The following DCX variants were observed in gnomAD, a reference collection of about 807,000 sequenced individuals.
DCX encodes neuronal migration protein doublecortin.
A neutral mutation model predicts 20.9 loss-of-function variants in DCX; 4 were observed. The observed-to-expected ratio is 0.19, with a 90% CI of 0.09 to 0.44. DCX has a LOEUF of 0.44. DCX is among the 20% of genes least tolerant of loss of function. The pLI, the probability that DCX is intolerant of heterozygous loss-of-function variation, is 0.99. For synonymous variants in DCX, 103 were observed against 111.4 expected, an observed-to-expected ratio of 0.92 and a Z score of 0.47; for missense variants, 133 against 296.9, an observed-to-expected ratio of 0.45 and a Z score of 4.06.
chrX:111,347,148 A>C (rs1001730453), intron 3 of DCX, among the ~76,000 whole-genome samples: 1 of 112,009 alleles, frequency 8.9e-6, no homozygotes, highest in Non-Finnish European at 1.9e-5. Flanking sequence ...AGTAAGAAGA[A>C]TCTAAAACCC....
At chrX:111,402,555 A>G (rs1927876196) in intron 2 of DCX, among the ~76,000 whole-genome samples, 1 of 111,879 alleles carries the variant, frequency 8.9e-6, no homozygotes, top group African/African-American at 3.3e-5. Flanking sequence ...AAACACAATT[A>G]TAGTCTGATG....
intron 3 of DCX, among the ~76,000 whole-genome samples, chrX:111,357,093 G>C (rs929233510): frequency 4.5e-5 from 5 of 111,917 alleles, no homozygotes; most frequent in Admixed American, 3.8e-4. Context: ...AACTGTATAT[G>C]GTAGAGAAAA....
intron 5 of DCX, among the ~76,000 whole-genome samples, chrX:111,312,955 T>C (rs2095060979): frequency 8.9e-6 from 1 of 111,832 alleles, no homozygotes; most frequent in Admixed American, 9.5e-5. Context: ...AAGGCCGTCA[T>C]CCTCCCACCC....
chrX:111,400,910 C>G, intron 3 of DCX, 80 bp downstream of exon 3: 1 of 924,721 alleles, frequency 1.1e-6, no homozygotes, highest in Non-Finnish European at 1.6e-6. Context: ...AGTCCGTCAA[C>G]AAGAAATGAT....
At chrX:111,400,268 C>A (rs1024313373) in intron 3 of DCX, among the ~76,000 whole-genome samples, 1 of 111,529 alleles carries the variant, frequency 9.0e-6, no homozygotes. Context: ...AGACGCCTGG[C>A]TGCATTCTTT....
At position 111,300,866 on chromosome X, in the gene DCX, A is replaced by G. The variant is rs1249840902; in HGVS notation, c.*821T>C. The G allele has an allele frequency of 8.9e-6, 1 of 112,301 alleles. No individual in the cohort carries two copies. The highest frequency in any genetic ancestry group is 3.2e-5 in the African/African-American group (1 of 30,822). The allele number at this position is 112,301 out of a possible 1,213,427, so 9.3% of individuals were successfully genotyped here. A position where few individuals can be genotyped will look rare whatever the true frequency, so the allele number is the denominator to read the frequency against. The stretch of plus-strand genomic sequence containing the variant: ...GAACAGAGATAGATGGATACCATAC[A>G]GTTCATGTAATCATGTGGTATGTTA... On this transcript the variant is annotated 3_prime_UTR_variant, in exon 7 of 7. Transcript: ENST00000636035.
At chrX:111,355,213 T>G (rs1356487444) in intron 3 of DCX, among the ~76,000 whole-genome samples, 1 of 111,969 alleles carries the variant, frequency 8.9e-6, no homozygotes, top group African/African-American at 3.2e-5. Context: ...AACCCCTGTT[T>G]GTCATTCTCT....
intron 5 of DCX, among the ~76,000 whole-genome samples, chrX:111,318,322 C>G (rs191710159): frequency 9.5e-6 from 1 of 105,600 alleles, no homozygotes; most frequent in African/African-American, 3.4e-5. Context: ...CTCAAAGAAC[C>G]TAAAACTGAA....
chrX:111,401,709 A>G (rs988398205), intron 2 of DCX, among the ~76,000 whole-genome samples: 3 of 112,160 alleles, frequency 2.7e-5, no homozygotes, highest in Non-Finnish European at 5.6e-5. Context: ...AATTTTTAAC[A>G]TTTCTATTTC....
intron 5 of DCX, among the ~76,000 whole-genome samples, chrX:111,326,324 G>A (rs2095099461): frequency 9.0e-6 from 1 of 111,613 alleles, no homozygotes; most frequent in Admixed American, 9.5e-5. Context: ...TTCCTTCCCA[G>A]CAACTAGCTA....
At chrX:111,311,901 C>T (rs2095058495) in intron 6 of DCX, among the ~76,000 whole-genome samples, 1 of 111,979 alleles carries the variant, frequency 8.9e-6, no homozygotes, top group Non-Finnish European at 1.9e-5. Context: ...AGTTGCTCCA[C>T]AGTATGGTAA....
Position 111,410,351 on chromosome X carries a change from C to T in DCX, c.48G>A (p.Arg16=). Residue 16 remains arginine (R), a synonymous_variant, in exon 2 of 7, where the codon AGG becomes AGA. Transcript: ENST00000636035. ...GHFDERDKTS[R]NMRGSRMNGL... The stretch of plus-strand genomic sequence containing the variant: ...CATTCATCCGGGAGCCTCGCATGTT[C>T]CTGGATGTCTTATCTCTTTCGTCAA... 1 of 1,211,206 alleles carries T rather than the reference C, an allele frequency of 8.3e-7. No homozygotes were observed. Among genetic ancestry groups the T allele is most frequent in the African/African-American group, 1.7e-5 (1 of 57,633 alleles).
intron 5 of DCX, among the ~76,000 whole-genome samples, chrX:111,329,750 A>C (rs1229371184): frequency 8.9e-6 from 1 of 111,809 alleles, no homozygotes; most frequent in Non-Finnish European, 1.9e-5. Flanking sequence ...GATGGCTGGT[A>C]ATATGCATGC....
chrX:111,406,814 T>C (rs967686841), intron 2 of DCX, among the ~76,000 whole-genome samples: 3 of 112,212 alleles, frequency 2.7e-5, no homozygotes, highest in African/African-American at 3.2e-5. Context: ...TGACAACTAA[T>C]TGGAATAGGG....
At chrX:111,359,717 ATTAC>A (rs1333725569) in intron 3 of DCX, among the ~76,000 whole-genome samples, 1 of 112,158 alleles carries the variant, frequency 8.9e-6, no homozygotes, top group Admixed American at 9.5e-5. Flanking sequence ...TAGGCAGTTA[ATTAC>A]TTAATTAATT....
intron 5 of DCX, among the ~76,000 whole-genome samples, chrX:111,321,834 C>G (rs1418677230): frequency 8.9e-6 from 1 of 112,093 alleles, no homozygotes; most frequent in Non-Finnish European, 1.9e-5. Context: ...AGTCATTATA[C>G]TTTCTGGGCT....
At chrX:111,303,027 T>C (rs903708845) in intron 6 of DCX, among the ~76,000 whole-genome samples, 5 of 111,502 alleles carry the variant, frequency 4.5e-5, no homozygotes, top group African/African-American at 1.3e-4. Flanking sequence ...TTGTCAAGTC[T>C]AAGAATTCTT....
intron 3 of DCX, among the ~76,000 whole-genome samples, chrX:111,338,354 T>A (rs1462910599): frequency 4.5e-5 from 5 of 111,761 alleles, no homozygotes; most frequent in Non-Finnish European, 9.4e-5. Context: ...CCACACTGAT[T>A]TTTCAGTCTT....
chrX:111,404,259 A>AG (rs1316114186), intron 2 of DCX, among the ~76,000 whole-genome samples: 5 of 110,408 alleles, frequency 4.5e-5, no homozygotes, highest in Admixed American at 9.6e-5. Flanking sequence ...GAAGCTGAAG[A>AG]GGAAAAAAAA....
Sources: gnomAD v4.1 joint callset for allele counts (sites outside exome capture counted in the v4.1 genomes callset) on GRCh38, gnomAD v4.1.1 for gene constraint, MANE v1.5 for transcripts, NCBI Gene and HGNC (gene_info 2026-07-23, HGNC 2026-07-21) for gene names.